ROBO2: variants seen among roughly 807,000 people sequenced by gnomAD.
The protein encoded by ROBO2 is roundabout guidance receptor 2, also known as roundabout homolog 2.
In ROBO2, 53 loss-of-function variants were observed where a neutral mutation model predicts 160.8. The ratio of observed to expected loss-of-function variants is 0.33; its 90% CI spans 0.26 to 0.41. ROBO2 has a LOEUF of 0.41. ROBO2 is among the 10% of genes least tolerant of loss of function. ROBO2 has a pLI of 1.00. For missense variants in ROBO2, 1,577 were observed against 1,722.4 expected, an observed-to-expected ratio of 0.92 and a Z score of 1.49; for synonymous variants, 664 against 611.7, an observed-to-expected ratio of 1.09 and a Z score of -1.26.
At chr3:76,887,477 G>A (rs1577264960) in intron 2 of ROBO2, among the ~76,000 whole-genome samples, 2 of 152,170 alleles carry the variant, frequency 1.3e-5, no homozygotes, top group East Asian at 3.9e-4. Flanking sequence ...AGGTGCAGTG[G>A]TGGGTGCATC....
chr3:76,871,999 A>G (rs757373881), intron 2 of ROBO2, among the ~76,000 whole-genome samples: 6 of 152,146 alleles, frequency 3.9e-5, no homozygotes, highest in Non-Finnish European at 7.3e-5. Flanking sequence ...TGAAAGCTCT[A>G]AACTTGGAAA....
intron 2 of ROBO2, among the ~76,000 whole-genome samples, chr3:77,210,000 T>A (rs1317582446): frequency 6.6e-6 from 1 of 152,136 alleles, no homozygotes; most frequent in Non-Finnish European, 1.5e-5. Context: ...ATTCTGTGTT[T>A]CTCTAGGCTG....
chr3:76,569,558 G>A (rs2084831811), intron 2 of ROBO2, among the ~76,000 whole-genome samples: 1 of 152,002 alleles, frequency 6.6e-6, no homozygotes, highest in Non-Finnish European at 1.5e-5. Flanking sequence ...TATATATGGA[G>A]GTAAAAGGGA....
intron 2 of ROBO2, among the ~76,000 whole-genome samples, chr3:76,039,508 CTCTCT>C (rs1445844178): frequency 2.6e-5 from 4 of 151,878 alleles, no homozygotes; most frequent in African/African-American, 9.7e-5. Flanking sequence ...TTTTTTTCTA[CTCTCT>C]TAAGAAAAAA....
intron 2 of ROBO2, among the ~76,000 whole-genome samples, chr3:76,129,704 A>C (rs1432961939): frequency 6.6e-6 from 1 of 151,836 alleles, no homozygotes; most frequent in Non-Finnish European, 1.5e-5. Context: ...AGTGGAACCT[A>C]AAACATTAGG....
intron 2 of ROBO2, among the ~76,000 whole-genome samples, chr3:77,357,837 A>G (rs2069354072): frequency 6.6e-6 from 1 of 152,188 alleles, no homozygotes; most frequent in Non-Finnish European, 1.5e-5. Flanking sequence ...AAGGGATAGA[A>G]GAAAAAAGGT....
chr3:76,626,683 G>A (rs1477055751), intron 2 of ROBO2, among the ~76,000 whole-genome samples: 1 of 151,928 alleles, frequency 6.6e-6, no homozygotes, highest in Non-Finnish European at 1.5e-5. Context: ...TTGTCATTTA[G>A]AATCTTTTAT....
intron 2 of ROBO2, among the ~76,000 whole-genome samples, chr3:77,277,016 C>T (rs2059874447): frequency 6.6e-6 from 1 of 151,978 alleles, no homozygotes; most frequent in African/African-American, 2.4e-5. Flanking sequence ...TATTGCAATT[C>T]AAGGTGAGAT....
chr3:77,294,562 A>G (rs1254331354), intron 2 of ROBO2, among the ~76,000 whole-genome samples: 2 of 147,576 alleles, frequency 1.4e-5, no homozygotes, highest in Admixed American at 1.3e-4. Context: ...GACATAAAGT[A>G]AAATTGACGG....
exon 26 of ROBO2, chr3:77,649,905 G>A (rs1420020700): frequency 1.3e-5 from 2 of 151,974 alleles, no homozygotes; most frequent in Admixed American, 6.6e-5. Flanking sequence ...TAATAGTATT[G>A]TCAAAGAATT....
At chr3:77,174,950 A>G (rs1192304958) in intron 2 of ROBO2, among the ~76,000 whole-genome samples, 1 of 152,102 alleles carries the variant, frequency 6.6e-6, no homozygotes, top group African/African-American at 2.4e-5. Flanking sequence ...GCCTGTTTTA[A>G]CATAAATACT....
chr3:76,923,358 T>G (rs1559709584), intron 2 of ROBO2, among the ~76,000 whole-genome samples: 1 of 152,228 alleles, frequency 6.6e-6, no homozygotes, highest in Non-Finnish European at 1.5e-5. Context: ...CAAATTTCAC[T>G]ATGATTTGCT....
At chr3:76,987,912 GATA>G (rs941258229) in intron 2 of ROBO2, among the ~76,000 whole-genome samples, 3 of 151,984 alleles carry the variant, frequency 2.0e-5, no homozygotes, top group Non-Finnish European at 4.4e-5. Flanking sequence ...GTCACGTAAA[GATA>G]ATGTCAAATT....
chr3:77,135,392 C>T lies in ROBO2; in HGVS notation c.388+37052C>T, dbSNP rs1286233822. 3.3e-5 allele frequency among the ~76,000 whole-genome samples: 5 copies of T among 152,056 alleles called. No individual in the cohort carries two copies. In the East Asian group the frequency reaches 7.7e-4, roughly 24 times the overall value. On this transcript the variant is annotated intron_variant, in intron 2 of 25. Transcript: ENST00000461745. ...TCTAGATTTCCAGAGAAATCAATCT[C>T]TTTTTAATTTAATTAATTTTTTTTT... is the stretch of plus-strand genomic sequence containing the variant.
intron 2 of ROBO2, among the ~76,000 whole-genome samples, chr3:77,219,467 T>C (rs2085461916): frequency 2.1e-5 from 2 of 97,372 alleles, no homozygotes; most frequent in Non-Finnish European, 2.2e-5. Flanking sequence ...TATGTATCTG[T>C]GTATATATAT....
chr3:76,500,096 G>A (rs2080377581), intron 2 of ROBO2, among the ~76,000 whole-genome samples: 1 of 152,020 alleles, frequency 6.6e-6, no homozygotes, highest in Non-Finnish European at 1.5e-5. Flanking sequence ...GTGGTGGGGG[G>A]ACAGTAAAAA....
intron 2 of ROBO2, among the ~76,000 whole-genome samples, chr3:77,252,732 C>T (rs1348919020): frequency 1.0e-4 from 14 of 139,160 alleles, no homozygotes; most frequent in East Asian, 6.7e-4. Flanking sequence ...GGCGTGAATC[C>T]GGGAGGCAGA....
At chr3:77,508,934 A>C (rs1034159309) in intron 5 of ROBO2, among the ~76,000 whole-genome samples, 1 of 152,122 alleles carries the variant, frequency 6.6e-6, no homozygotes, top group African/African-American at 2.4e-5. Context: ...CTCAACTCTC[A>C]TAAGTTTGTA....
chr3:76,165,226 G>C (rs1206254797), intron 2 of ROBO2, among the ~76,000 whole-genome samples: 1 of 152,128 alleles, frequency 6.6e-6, no homozygotes, highest in Non-Finnish European at 1.5e-5. Context: ...TTCTTAGCTA[G>C]AGTTGCTAGA....
Sources: gnomAD v4.1 joint callset for allele counts (sites outside exome capture counted in the v4.1 genomes callset) on GRCh38, gnomAD v4.1.1 for gene constraint, MANE v1.5 for transcripts, NCBI Gene and HGNC (gene_info 2026-07-23, HGNC 2026-07-21) for gene names.